HIP1: variants seen among roughly 807,000 people sequenced by gnomAD.
The protein encoded by HIP1 is huntingtin interacting protein 1.
Under a neutral mutation model 147.6 loss-of-function variants are expected in HIP1, and 65 were observed. The observed-to-expected ratio is 0.44, with a 90% CI of 0.36 to 0.54. HIP1 has a LOEUF of 0.54. HIP1 is among the 20% of genes least tolerant of loss of function. The pLI, the probability that HIP1 is intolerant of heterozygous loss-of-function variation, is 0.00. For synonymous variants in HIP1, 479 were observed against 504.0 expected, an observed-to-expected ratio of 0.95 and a Z score of 0.67; for missense variants, 1,061 against 1,299.6, an observed-to-expected ratio of 0.82 and a Z score of 2.82.
chr7:75,599,023 C>A (rs1383771753), intron 2 of HIP1, among the ~76,000 whole-genome samples, 161 bp downstream of exon 2: 3 of 152,204 alleles, frequency 2.0e-5, no homozygotes, highest in African/African-American at 7.2e-5. Flanking sequence ...TCTCTGCAGC[C>A]AGCCCTCTCT....
intron 19 of HIP1, among the ~76,000 whole-genome samples, chr7:75,555,195 CGGG>C (rs371043786): frequency 1.3e-4 from 3 of 23,602 alleles, no homozygotes; most frequent in Non-Finnish European, 3.0e-4. Context: ...AGCGGGGGGG[CGGG>C]GGGGGGGAAG....
intron 2 of HIP1, 48 bp from the exon 3 acceptor site, chr7:75,592,562 C>A (rs1796535913): frequency 6.3e-7 from 1 of 1,577,140 alleles, no homozygotes; most frequent in Admixed American, 1.9e-5. Context: ...CCAGTCACTG[C>A]AGGGGACTGA....
chr7:75,706,516 T>C (rs1272004656), intron 1 of HIP1, among the ~76,000 whole-genome samples: 2 of 149,004 alleles, frequency 1.3e-5, no homozygotes, highest in Admixed American at 6.7e-5. Flanking sequence ...TTTATTTATT[T>C]ATTTATTTTA....
rs782580574 is a variant in HIP1, at chr7:75,568,219, G to C, written c.783C>G (p.Arg261=). The C allele has an allele frequency of 6.2e-7, 1 of 1,613,156 alleles. No homozygotes were observed. The highest frequency in any genetic ancestry group is 8.5e-7 in the Non-Finnish European group (1 of 1,179,142). ...CTTACTTTGTAAACTGCTCCATGAA[G>C]CGGTCCCGGTGGCCTTGCAGGGTGT... The part of the protein sequence containing the change: ...PADTLQGHRD[R]FMEQFTKLKD... The change falls in exon 9 of 31, where the codon CGC becomes CGG. Residue 261 remains arginine (R), a synonymous_variant. Transcript: ENST00000336926. The surrounding 1 kb of genome is among the most constrained non-coding windows in gnomAD (Gnocchi z 4.1).
rs1554490646 is a variant in HIP1 at position 75,544,819 on chromosome 7, A to G, written c.2661-19T>C. On this transcript the variant is annotated intron_variant, in intron 26 of 30. Transcript: ENST00000336926. ...TGCATCCCTGATGGAAAACGACAAG[A>G]GGGACTAGGTTACGGGCAAATGAGC... The G allele has an allele frequency of 1.3e-6, 2 of 1,494,080 alleles. No homozygotes were observed. Among genetic ancestry groups the G allele is most frequent in the Non-Finnish European group, 1.9e-6 (2 of 1,070,846 alleles). The allele number at this position is 1,494,080 out of a possible 1,614,324, so 92.6% of individuals were successfully genotyped here.
chr7:75,664,521 C>T (rs1377397237), intron 1 of HIP1, among the ~76,000 whole-genome samples: 3 of 146,526 alleles, frequency 2.0e-5, no homozygotes, highest in Non-Finnish European at 3.0e-5. Flanking sequence ...TGTATGTATA[C>T]GTATACATAC....
chr7:75,583,199 G>T (rs1796123076), intron 5 of HIP1, among the ~76,000 whole-genome samples: 1 of 151,964 alleles, frequency 6.6e-6, no homozygotes, highest in Non-Finnish European at 1.5e-5. Flanking sequence ...TCCTGGCTCA[G>T]TCTTGACATC....
intron 2 of HIP1, among the ~76,000 whole-genome samples, chr7:75,592,925 C>T (rs983220957): frequency 2.6e-5 from 4 of 152,100 alleles, no homozygotes; most frequent in African/African-American, 4.8e-5. Context: ...GTCCTTTCTA[C>T]GAGAATGCTG....
intron 6 of HIP1, among the ~76,000 whole-genome samples, chr7:75,581,600 G>A (rs886987689): frequency 4.6e-5 from 7 of 152,232 alleles, no homozygotes; most frequent in African/African-American, 7.2e-5. Flanking sequence ...CCAACGCGGC[G>A]AAACCCCATC....
chr7:75,591,722 CAAAAAAA>C lies in HIP1; in HGVS notation c.384+327_384+333del, dbSNP rs1168286308. ...CAGCATAGCAAGACCCCGTCTCTAC[CAAAAAAA>C]AAAAAAAAAAAGCAGGAAACATGGC... On this transcript the variant is annotated intron_variant, in intron 4 of 30. Transcript: ENST00000336926. Among the ~76,000 whole-genome samples, 20 of 79,690 alleles carry C rather than the reference CAAAAAAA, an allele frequency of 2.5e-4. No individual in the cohort carries two copies. The Admixed American group carries it at 2.6e-3, about 10-fold the overall frequency. 52.3% of individuals were successfully genotyped at this position (79,690 alleles called of 152,430 possible).
At chr7:75,567,292 G>C (rs1795444723) in intron 9 of HIP1, among the ~76,000 whole-genome samples, 1 of 150,878 alleles carries the variant, frequency 6.6e-6, no homozygotes, top group South Asian at 2.1e-4. Context: ...GCATATTTAG[G>C]GGTTATCAGT....
chr7:75,616,460 A>G (rs1554506037), intron 1 of HIP1, among the ~76,000 whole-genome samples: 4 of 151,918 alleles, frequency 2.6e-5, no homozygotes, highest in Non-Finnish European at 5.9e-5. Context: ...TTTTGTAGAG[A>G]CCGGGTCTCA....
chr7:75,548,816 C>G, intron 23 of HIP1, 75 bp downstream of exon 23: 3 of 1,120,552 alleles, frequency 2.7e-6, no homozygotes, highest in Non-Finnish European at 4.1e-6. Context: ...ACGACTGTGA[C>G]ATGTTTAATG....
chr7:75,599,316 T>A, intron 1 of HIP1, 69 bp from the exon 2 acceptor site: 3 of 1,224,834 alleles, frequency 2.4e-6, no homozygotes, highest in South Asian at 2.4e-5. Flanking sequence ...GCTGAGACCC[T>A]CCCAGATGCC....
chr7:75,560,746 TAGCATTTC>T (rs1584798747), intron 13 of HIP1, among the ~76,000 whole-genome samples: 1 of 152,250 alleles, frequency 6.6e-6, no homozygotes, highest in East Asian at 1.9e-4. Context: ...CTTTTGGATT[TAGCATTTC>T]TACCAGTTTT....
intron 1 of HIP1, among the ~76,000 whole-genome samples, chr7:75,634,032 A>T (rs1361228507): frequency 6.6e-6 from 1 of 151,904 alleles, no homozygotes; most frequent in Non-Finnish European, 1.5e-5. Context: ...GAGGTGGGAG[A>T]ATCGCTTGAG....
At chr7:75,572,886 G>A (rs2116887357) in intron 8 of HIP1, among the ~76,000 whole-genome samples, 1 of 152,230 alleles carries the variant, frequency 6.6e-6, no homozygotes, top group Admixed American at 6.5e-5. Flanking sequence ...TACTCTTCAG[G>A]GCCTGAGAAG....
chr7:75,680,476 C>T (rs569839958), intron 1 of HIP1, among the ~76,000 whole-genome samples: 10 of 152,298 alleles, frequency 6.6e-5, no homozygotes, highest in Non-Finnish European at 1.3e-4. Flanking sequence ...TCCATCCTCT[C>T]GCCTCATTCA....
rs565902611 is a variant in HIP1, at chr7:75,667,906, T to C, written c.121-68659A>G. Among the ~76,000 whole-genome samples, 5 of 152,342 alleles carry C rather than the reference T, an allele frequency of 3.3e-5. No individual in the cohort carries two copies. In the East Asian group the frequency reaches 9.6e-4, roughly 29 times the overall value. On this transcript the variant is annotated intron_variant, in intron 1 of 30. Transcript: ENST00000336926. Reference sequence around the variant, plus strand: ...GCCAATTCTAGATTAATCAGTGACTTTGATTTTATAAAACAGACATCTGCA... The same window carrying C: ...GCCAATTCTAGATTAATCAGTGACTCTGATTTTATAAAACAGACATCTGCA...
Sources: allele counts gnomAD v4.1 joint callset (sites outside exome capture counted in the v4.1 genomes callset), GRCh38; gene constraint gnomAD v4.1.1; non-coding constraint Gnocchi (gnomAD v3.1); transcripts MANE v1.5; gene names NCBI Gene and HGNC (gene_info 2026-07-23, HGNC 2026-07-21).